DMD: variants seen among roughly 807,000 people sequenced by gnomAD.
DMD encodes the protein mutant dystrophin.
Under a neutral mutation model 330.1 loss-of-function variants are expected in DMD, and 63 were observed. The observed-to-expected ratio is 0.19, with a 90% CI of 0.16 to 0.24. The LOEUF (loss-of-function observed/expected upper bound fraction) is 0.24, where lower values mean the gene tolerates loss of function less well. Ranked by LOEUF, DMD falls within the 10% of genes least tolerant of loss-of-function variation. DMD has a pLI of 1.00. For missense variants in DMD, 3,344 were observed against 2,684.1 expected (o/e 1.25, Z -5.43); for synonymous variants, 1,223 against 959.8 (o/e 1.27, Z -5.07).
At chrX:32,485,146 C>T (rs758041255) in intron 20 of DMD, 47 bp from the exon 21 acceptor site, 2 of 1,159,903 alleles carry the variant, frequency 1.7e-6, no homozygotes, top group South Asian at 1.8e-5. Context: ...ACTTTGCATA[C>T]ATTACATTTT....
chrX:31,412,186 C>CAAAAAA (rs764012481), intron 60 of DMD, among the ~76,000 whole-genome samples: 6 of 43,788 alleles, frequency 1.4e-4, no homozygotes, highest in African/African-American at 4.5e-4. Flanking sequence ...ACTCTTGTCT[C>CAAAAAA]AAAAAAAAAA....
intron 63 of DMD, among the ~76,000 whole-genome samples, chrX:31,232,497 A>C: frequency 8.9e-6 from 1 of 111,872 alleles, no homozygotes; most frequent in Non-Finnish European, 1.9e-5. Context: ...TCCCAAGCTC[A>C]ATTAATGATG....
chrX:31,618,308 T>A (rs1371961601), intron 55 of DMD, among the ~76,000 whole-genome samples: 1 of 110,070 alleles, frequency 9.1e-6, no homozygotes, highest in Non-Finnish European at 1.9e-5. Context: ...GTATAATATA[T>A]CACCCTGGCA....
chrX:31,951,173 A>ATATATG (rs1569521328), intron 45 of DMD, among the ~76,000 whole-genome samples: 1 of 93,632 alleles, frequency 1.1e-5, no homozygotes, highest in Non-Finnish European at 2.1e-5. Context: ...ATATATATAT[A>ATATATG]TGTATATATA....
Position 31,815,398 on chromosome X carries a change from C to T in DMD, c.7309+4577G>A, listed in dbSNP as rs768183855. Among the ~76,000 whole-genome samples the T allele has an allele frequency of 6.4e-3, 693 of 108,880 alleles. 4 individuals carry two copies. Among genetic ancestry groups the T allele is most frequent in the South Asian group, 0.018 (46 of 2,510 alleles). The allele number at this position is 108,880 out of a possible 115,157, so 94.5% of individuals were successfully genotyped here. A position where few individuals can be genotyped will look rare whatever the true frequency, so the allele number is the denominator to read the frequency against. ...CCAGGAGGCAGAGGTTGCTGTGAGC[C>T]GAGATTGCACCACTGCACTCCAGCC... On this transcript the variant is annotated intron_variant, in intron 50 of 78. Coordinates refer to ENST00000357033, the MANE Select transcript of DMD (RefSeq NM_004006.3).
intron 48 of DMD, among the ~76,000 whole-genome samples, chrX:31,856,937 T>C (rs1475556992): frequency 8.9e-6 from 1 of 112,423 alleles, no homozygotes; most frequent in Non-Finnish European, 1.9e-5. Flanking sequence ...AAAAGTTCCT[T>C]CAAACAAATC....
intron 7 of DMD, among the ~76,000 whole-genome samples, chrX:32,787,864 C>T (rs771559041): frequency 8.1e-5 from 9 of 111,060 alleles, no homozygotes; most frequent in African/African-American, 2.9e-4. Flanking sequence ...ATCAGTTTTC[C>T]CTACAGGAGT....
chrX:32,232,176 C>A (rs1423600196), intron 43 of DMD, among the ~76,000 whole-genome samples: 1 of 111,692 alleles, frequency 9.0e-6, no homozygotes, highest in Non-Finnish European at 1.9e-5. Context: ...AAAATAAGAA[C>A]TATTTTCAGG....
At chrX:31,218,954 A>AT (rs2045689710) in intron 64 of DMD, among the ~76,000 whole-genome samples, 1 of 110,786 alleles carries the variant, frequency 9.0e-6, no homozygotes, top group Non-Finnish European at 1.9e-5. Flanking sequence ...TTAACTTGCT[A>AT]TTTCACCTCC....
chrX:32,412,158 G>A lies in DMD; in HGVS notation c.4072-245C>T, dbSNP rs140237546. The A allele has an allele frequency of 2.2e-4, 247 of 1,123,334 alleles. 1 individual carries two copies. Among genetic ancestry groups the A allele is most frequent in the Admixed American group, 1.7e-3 (72 of 41,804 alleles). The allele number at this position is 1,123,334 out of a possible 1,213,427, so 92.6% of individuals were successfully genotyped here. ...GCATGAAAATCAATCACAATATCAC[G>A]TACATTAAGGAAATAGGCTGGAAAA... On this transcript the variant is annotated intron_variant, in intron 29 of 78. Transcript: ENST00000357033.
At chrX:31,136,411 A>C (rs2035236751) in intron 76 of DMD, among the ~76,000 whole-genome samples, 1 of 112,057 alleles carries the variant, frequency 8.9e-6, no homozygotes, top group African/African-American at 3.2e-5. Flanking sequence ...GAAATGAATG[A>C]AATACTACCA....
At chrX:31,845,644 C>T (rs1435331608) in intron 48 of DMD, among the ~76,000 whole-genome samples, 2 of 110,248 alleles carry the variant, frequency 1.8e-5, no homozygotes, top group African/African-American at 3.3e-5. Flanking sequence ...AGGAGCAGCA[C>T]GGATGTTCAG....
chrX:32,129,278 G>A (rs960847212), intron 44 of DMD, among the ~76,000 whole-genome samples: 1 of 111,475 alleles, frequency 9.0e-6, no homozygotes, highest in African/African-American at 3.3e-5. Flanking sequence ...ATGAGGCAGT[G>A]TCATGCATTG....
chrX:32,349,123 T>C (rs1440534325), intron 37 of DMD, among the ~76,000 whole-genome samples: 1 of 111,658 alleles, frequency 9.0e-6, no homozygotes, highest in Non-Finnish European at 1.9e-5. Context: ...ATATTTCACA[T>C]AAAGAATCTA....
At chrX:33,136,438 C>T (rs2095528499) in intron 1 of DMD, among the ~76,000 whole-genome samples, 1 of 105,102 alleles carries the variant, frequency 9.5e-6, no homozygotes, top group Admixed American at 1.1e-4. Flanking sequence ...AGCAAGCTGC[C>T]TGTAAAATAG....
At chrX:32,250,574 T>C (rs1222973651) in intron 43 of DMD, among the ~76,000 whole-genome samples, 1 of 112,218 alleles carries the variant, frequency 8.9e-6, no homozygotes, top group African/African-American at 3.2e-5. Flanking sequence ...GGTACACAGT[T>C]CTGCCTCCCC....
At chrX:31,951,181 A>ATG (rs2095173840) in intron 45 of DMD, among the ~76,000 whole-genome samples, 1 of 96,411 alleles carries the variant, frequency 1.0e-5, no homozygotes, top group African/African-American at 3.7e-5. Context: ...ATATGTATAT[A>ATG]TATATATCTT....
intron 17 of DMD, among the ~76,000 whole-genome samples, chrX:32,532,461 C>T (rs1308588191): frequency 1.8e-5 from 2 of 112,417 alleles, no homozygotes; most frequent in Admixed American, 1.9e-4. Context: ...CTAAGCTAGG[C>T]TGTCTGGGTT....
At chrX:33,187,049 C>A (rs1007286690) in intron 1 of DMD, among the ~76,000 whole-genome samples, 1 of 111,655 alleles carries the variant, frequency 9.0e-6, no homozygotes, top group African/African-American at 3.2e-5. Flanking sequence ...AAAATGGGAT[C>A]CATTTCTTAA....
Sources: gnomAD v4.1 joint callset for allele counts (sites outside exome capture counted in the v4.1 genomes callset) on GRCh38, gnomAD v4.1.1 for gene constraint, MANE v1.5 for transcripts, NCBI Gene and HGNC (gene_info 2026-07-23, HGNC 2026-07-21) for gene names.